The following TDRP variants were observed in gnomAD, a reference collection of about 807,000 sequenced individuals.
TDRP encodes the protein testis development-related protein.
TDRP carries 12 observed loss-of-function variants against 10.5 expected under a neutral mutation model. That is an observed-to-expected ratio of 1.15 (90% CI 0.73 to 1.86). The LOEUF is 1.86. Ranked by LOEUF, TDRP falls within the 40% of genes most tolerant of loss-of-function variation. The pLI is 0.00. For synonymous variants in TDRP, 139 were observed against 95.4 expected, an observed-to-expected ratio of 1.46 and a Z score of -2.67; for missense variants, 353 against 229.2, an observed-to-expected ratio of 1.54 and a Z score of -3.49.
intron 1 of TDRP, among the ~76,000 whole-genome samples, chr8:534,702 G>A (rs1196197195): frequency 6.6e-6 from 1 of 152,216 alleles, no homozygotes; most frequent in African/African-American, 2.4e-5. Context: ...GATGATGAGT[G>A]TTTGCTGCTC....
chr8:513,172 T>A (rs1040041776), intron 1 of TDRP, among the ~76,000 whole-genome samples: 3 of 151,238 alleles, frequency 2.0e-5, no homozygotes, highest in African/African-American at 7.3e-5. Context: ...GGCACTATTA[T>A]ACTGATACCA....
At chr8:538,271 G>C (rs950531480) in intron 1 of TDRP, among the ~76,000 whole-genome samples, 1 of 152,166 alleles carries the variant, frequency 6.6e-6, no homozygotes, top group Non-Finnish European at 1.5e-5. Flanking sequence ...CAAGGCCAGG[G>C]GATGAGGAAC....
intron 1 of TDRP, among the ~76,000 whole-genome samples, chr8:528,875 A>C (rs1259526670): frequency 6.6e-6 from 1 of 151,664 alleles, no homozygotes; most frequent in Non-Finnish European, 1.5e-5. Context: ...AGGGGAATTT[A>C]TTAAGTAGTA....
intron 1 of TDRP, among the ~76,000 whole-genome samples, chr8:520,107 A>C (rs1212414044): frequency 1.3e-5 from 2 of 152,224 alleles, no homozygotes; most frequent in Non-Finnish European, 2.9e-5. Context: ...GTGGTTGGGG[A>C]GAAAAGTGGA....
At chr8:524,729 T>G (rs1052457016) in intron 1 of TDRP, among the ~76,000 whole-genome samples, 1 of 152,186 alleles carries the variant, frequency 6.6e-6, no homozygotes, top group Non-Finnish European at 1.5e-5. Flanking sequence ...ATTAGTGATC[T>G]TGAAGACAGG....
At chr8:517,471 T>G (rs551876049) in intron 1 of TDRP, among the ~76,000 whole-genome samples, 2 of 152,304 alleles carry the variant, frequency 1.3e-5, no homozygotes, top group Admixed American at 6.5e-5. Flanking sequence ...TTCAAGAACC[T>G]GGGCTTCCAC....
At chr8:539,081 A>C (rs1422628235) in intron 1 of TDRP, among the ~76,000 whole-genome samples, 1 of 152,154 alleles carries the variant, frequency 6.6e-6, no homozygotes, top group Non-Finnish European at 1.5e-5. Flanking sequence ...TCGTTTTTTC[A>C]ATTTGTATTT....
At chr8:521,127 G>C (rs1482904912) in intron 1 of TDRP, among the ~76,000 whole-genome samples, 1 of 151,666 alleles carries the variant, frequency 6.6e-6, no homozygotes, top group Non-Finnish European at 1.5e-5. Flanking sequence ...CTTTGGCAGG[G>C]AGCAGCAGCT....
intron 1 of TDRP, among the ~76,000 whole-genome samples, chr8:528,964 C>G (rs974427887): frequency 6.6e-5 from 10 of 152,176 alleles, no homozygotes; most frequent in African/African-American, 2.2e-4. Context: ...AGTCCCAAAA[C>G]TGAAGAACTT....
chr8:502,159 C>T (rs1407346353), intron 1 of TDRP, among the ~76,000 whole-genome samples: 2 of 152,242 alleles, frequency 1.3e-5, no homozygotes, highest in African/African-American at 4.8e-5. Context: ...GTTTCAATTA[C>T]GTACAACAAA....
intron 1 of TDRP, among the ~76,000 whole-genome samples, chr8:509,882 T>G (rs1170093163): frequency 6.6e-6 from 1 of 152,188 alleles, no homozygotes; most frequent in African/African-American, 2.4e-5. Context: ...AAATAAATGT[T>G]GGGACTCCAA....
intron 1 of TDRP, among the ~76,000 whole-genome samples, chr8:528,923 C>A (rs891189232): frequency 2.0e-5 from 3 of 152,092 alleles, no homozygotes; most frequent in Non-Finnish European, 2.9e-5. Context: ...AACAGGATGT[C>A]TGCAAGCTGA....
intron 1 of TDRP, among the ~76,000 whole-genome samples, chr8:523,093 CCCTCTTTT>C (rs1448762977): frequency 1.3e-5 from 2 of 152,086 alleles, no homozygotes; most frequent in African/African-American, 4.8e-5. Context: ...GTAATTTTGA[CCCTCTTTT>C]CCTCTCTTGC....
chr8:514,498 G>C (rs1006088273), intron 1 of TDRP, among the ~76,000 whole-genome samples: 8 of 152,160 alleles, frequency 5.3e-5, no homozygotes, highest in African/African-American at 1.9e-4. Flanking sequence ...GCTGAACGCA[G>C]ACTCTAGATC....
chr8:496,367 C>G (rs1322410721), intron 1 of TDRP, among the ~76,000 whole-genome samples: 2 of 152,226 alleles, frequency 1.3e-5, no homozygotes, highest in Non-Finnish European at 2.9e-5. Flanking sequence ...CATCTGGACT[C>G]TGGAGGAAGG....
chr8:544,835 G>C, upstream of TDRP: 3 of 1,078,738 alleles, frequency 2.8e-6, no homozygotes, highest in Non-Finnish European at 2.3e-6. Flanking sequence ...CGGACGCTCT[G>C]CCTGCGGCTC....
At chr8:498,588 G>C (rs1193147422) in intron 1 of TDRP, among the ~76,000 whole-genome samples, 1 of 152,184 alleles carries the variant, frequency 6.6e-6, no homozygotes, top group Non-Finnish European at 1.5e-5. Flanking sequence ...ATGAGACTTT[G>C]GATTTGACTT....
At chr8:519,001 G>A (rs1354891680) in intron 1 of TDRP, among the ~76,000 whole-genome samples, 1 of 152,142 alleles carries the variant, frequency 6.6e-6, no homozygotes, top group African/African-American at 2.4e-5. Context: ...TCTGTCACCA[G>A]AAATGCCAAC....
At chr8:515,572 A>G (rs908400111) in intron 1 of TDRP, among the ~76,000 whole-genome samples, 5 of 152,204 alleles carry the variant, frequency 3.3e-5, no homozygotes, top group South Asian at 4.1e-4. Flanking sequence ...AGCATTTCAC[A>G]TTTTTAGATT....
Sources: allele counts gnomAD v4.1 joint callset (sites outside exome capture counted in the v4.1 genomes callset), GRCh38; gene constraint gnomAD v4.1.1; transcripts MANE v1.5; gene names NCBI Gene and HGNC (gene_info 2026-07-23, HGNC 2026-07-21).